The following TMEM63A variants were observed in gnomAD, a reference collection of about 807,000 sequenced individuals.
TMEM63A encodes transmembrane protein 63A, also known as mechanosensitive cation channel TMEM63A.
TMEM63A carries 76 observed loss-of-function variants against 100.6 expected under a neutral mutation model. The observed-to-expected ratio is 0.76, with a 90% CI of 0.63 to 0.91. The LOEUF (loss-of-function observed/expected upper bound fraction) is 0.91, where lower values mean the gene tolerates loss of function less well. Ranked by LOEUF, TMEM63A falls within the 40% of genes least tolerant of loss-of-function variation. The pLI is 0.00. For missense variants in TMEM63A, 876 were observed against 1,008.8 expected (o/e 0.87, Z 1.78); for synonymous variants, 401 against 401.1 (o/e 1.00, Z 0.00).
Position 225,867,840 on chromosome 1 carries a change from G to C in TMEM63A, c.514+48C>G, listed in dbSNP as rs1246363367. 2 of 1,610,668 alleles carry C rather than the reference G, an allele frequency of 1.2e-6. No homozygotes were observed. Among genetic ancestry groups the C allele is most frequent in the Non-Finnish European group, 1.7e-6 (2 of 1,178,028 alleles). On this transcript the variant is annotated intron_variant, in intron 7 of 24. Coordinates refer to ENST00000366835, the MANE Select transcript of TMEM63A (RefSeq NM_014698.3). The surrounding 1 kb of genome is among the most constrained non-coding windows in gnomAD (Gnocchi z 4.6). ...CACAGTGAGCCCTTTCCCTAGGACT[G>C]CCACTCTGCCCCATTACAACATAGA...
At chr1:225,872,852 C>T (rs1003677799) in intron 4 of TMEM63A, among the ~76,000 whole-genome samples, 2 of 151,906 alleles carry the variant, frequency 1.3e-5, no homozygotes, top group Non-Finnish European at 2.9e-5. Flanking sequence ...CGCCACCATG[C>T]CTGGCTAATT....
Position 225,878,887 on chromosome 1 carries a change from CACACACACACA to C in TMEM63A, c.-15+322_-15+332del, listed in dbSNP as rs1241365209. ...ACCTACCTACCTACCTACCTACCTA[CACACACACACA>C]CACACACACACACACACACACACAC... On this transcript the variant is annotated intron_variant, in intron 2 of 24. Transcript: ENST00000366835. Among the ~76,000 whole-genome samples the C allele has an allele frequency of 4.6e-4, 14 of 30,208 alleles. No homozygotes were observed. The South Asian group carries it at 9.1e-3, about 20-fold the overall frequency. The allele number at this position is 30,208 out of a possible 152,430, so 19.8% of individuals were successfully genotyped here.
chr1:225,852,825 T>C (rs2292557), intron 19 of TMEM63A, 56 bp from the exon 20 acceptor site: 26,395 of 1,508,026 alleles, frequency 0.018, 557 homozygotes, highest in East Asian at 0.13. Flanking sequence ...AAACACCCTT[T>C]TGTGCTCTCT....
rs1670166807 is a variant in TMEM63A, at chr1:225,865,663, C to T, written c.746+234G>A. 1 of 539,712 alleles carries T rather than the reference C, an allele frequency of 1.9e-6. No individual in the cohort carries two copies. Among genetic ancestry groups the T allele is most frequent in the Admixed American group, 3.1e-5 (1 of 32,344 alleles). The allele number at this position is 539,712 out of a possible 1,614,324, so 33.4% of individuals were successfully genotyped here. A position where few individuals can be genotyped will look rare whatever the true frequency, so the allele number is the denominator to read the frequency against. On this transcript the variant is annotated intron_variant, in intron 10 of 24. Transcript: ENST00000366835. This position sits in a 1 kb window ranked among gnomAD's most constrained non-coding sequence, Gnocchi z 4.6. ...TGGTCTGTGCTCTGGACACTGTGCA[C>T]AGGCTGCTTGAAGAGGATAGGCCAC...
chr1:225,841,767 A>G (rs1668447787), downstream of TMEM63A, among the ~76,000 whole-genome samples: 2 of 150,196 alleles, frequency 1.3e-5, no homozygotes, highest in African/African-American at 2.5e-5. Context: ...ATGCCCTGCT[A>G]ATTTTTTTGT....
intron 17 of TMEM63A, among the ~76,000 whole-genome samples, chr1:225,856,445 T>C (rs548434726): frequency 6.8e-6 from 1 of 147,760 alleles, no homozygotes; most frequent in African/African-American, 2.5e-5. Context: ...ACCAATATGG[T>C]GTTTTTTTCT....
chr1:225,867,261 A>G lies in TMEM63A; in HGVS notation c.515-98T>C. The G allele has an allele frequency of 1.2e-5, 15 of 1,233,610 alleles. No individual in the cohort carries two copies. Among genetic ancestry groups the G allele is most frequent in the Non-Finnish European group, 1.8e-5 (15 of 835,268 alleles). 76.4% of individuals were successfully genotyped at this position (1,233,610 alleles called of 1,614,324 possible). On this transcript the variant is annotated intron_variant, in intron 7 of 24. Coordinates refer to ENST00000366835, the MANE Select transcript of TMEM63A (RefSeq NM_014698.3). This position sits in a 1 kb window ranked among gnomAD's most constrained non-coding sequence, Gnocchi z 4.6. ...GGTTTGTGGAGCTCTGGGGAGGAGGAGCATGTCTGGACCAGCAGGAAGACA... is the reference window on the plus strand; with the variant it reads ...GGTTTGTGGAGCTCTGGGGAGGAGGGGCATGTCTGGACCAGCAGGAAGACA...
rs1160439099 is a variant in TMEM63A at position 225,849,957 on chromosome 1, T to C, written c.2026A>G (p.Ile676Val). 1.9e-6 allele frequency: 3 copies of C among 1,613,950 alleles called. No homozygotes were observed. The highest frequency in any genetic ancestry group is 2.2e-5 in the South Asian group (2 of 91,080). The part of the protein sequence containing the change: ...AAVNQALAAP[I>V]LCLFWLYFFS... Reference sequence around the variant, plus strand: ...AAGTAGAGCCAGAAGAGGCACAGGATGGGGGCTGCCAAGGCCTGGTTCACA... The same window carrying C: ...AAGTAGAGCCAGAAGAGGCACAGGACGGGGGCTGCCAAGGCCTGGTTCACA... Residue 676 changes from isoleucine to valine, a missense_variant, in exon 21 of 25, where the codon ATC (isoleucine) becomes GTC (valine). Ile to Val is a conservative substitution (Grantham distance 29). Coordinates refer to ENST00000366835, the MANE Select transcript of TMEM63A (RefSeq NM_014698.3).
At chr1:225,859,642 T>A in intron 14 of TMEM63A, 2 of 356,024 alleles carry the variant, frequency 5.6e-6, no homozygotes, top group Non-Finnish European at 5.1e-6. Context: ...TTATTTTTTC[T>A]TTTTCTGTTT....
chr1:225,861,167 T>C, intron 13 of TMEM63A, 170 bp from the exon 14 acceptor site: 1 of 637,820 alleles, frequency 1.6e-6, no homozygotes, highest in South Asian at 3.6e-5. Context: ...TAGCACAGTG[T>C]GTGGAGAATT....
chr1:225,868,298 T>G (rs1361892616), intron 6 of TMEM63A, among the ~76,000 whole-genome samples: 1 of 152,110 alleles, frequency 6.6e-6, no homozygotes, highest in Admixed American at 6.5e-5. Flanking sequence ...GCTAGAAACA[T>G]TTGTGCCCAA....
chr1:225,866,237 C>T (rs780158871), intron 9 of TMEM63A: 9 of 525,382 alleles, frequency 1.7e-5, no homozygotes, highest in Non-Finnish European at 2.4e-5. Context: ...GACTCAAATG[C>T]GGTCACACAG....
At chr1:225,861,029 G>A (rs1360899867) in intron 13 of TMEM63A, 32 bp from the exon 14 acceptor site, 12 of 1,572,378 alleles carry the variant, frequency 7.6e-6, no homozygotes, top group Non-Finnish European at 1.0e-5. Flanking sequence ...GCCAGGCCCA[G>A]GCTACTCAGG....
rs748223461 is a variant in TMEM63A, at chr1:225,874,359, G to T, written c.195C>A (p.Ile65=). The change falls in exon 4 of 25, where the codon ATC becomes ATA. Residue 65 remains isoleucine, a synonymous_variant. Coordinates refer to ENST00000366835, the MANE Select transcript of TMEM63A (RefSeq NM_014698.3). ...LIDVSCFLFL[I]LVFSIIRRRF... is the part of the protein sequence containing the mutation. ...TTCTTCTTATAATAGAAAACACCAA[G>T]ATTAAGAACTAAAAACAGAAAAGAA... The T allele has an allele frequency of 6.2e-7, 1 of 1,613,118 alleles. No homozygotes were observed. The highest frequency in any genetic ancestry group is 1.1e-5 in the South Asian group (1 of 90,890).
chr1:225,877,862 G>A (rs1670892059), intron 2 of TMEM63A, among the ~76,000 whole-genome samples: 1 of 152,174 alleles, frequency 6.6e-6, no homozygotes. Context: ...ATCCCCAGAG[G>A]GGGCGACATG....
Position 225,859,091 on chromosome 1 carries a change from T to A in TMEM63A, c.1377+105A>T, listed in dbSNP as rs1031023506. 4.6e-6 allele frequency: 7 copies of A among 1,516,228 alleles called. No homozygotes were observed. In the African/African-American group the frequency reaches 8.2e-5, roughly 18 times the overall value. The allele number at this position is 1,516,228 out of a possible 1,614,324, so 93.9% of individuals were successfully genotyped here. On this transcript the variant is annotated intron_variant, in intron 15 of 24. Transcript: ENST00000366835. ...GAGCTGAGCAACATGACCCACTGGTTTAGTTCCCCGCACACACCCCACTCC... is the reference window on the plus strand; with the variant it reads ...GAGCTGAGCAACATGACCCACTGGTATAGTTCCCCGCACACACCCCACTCC...
chr1:225,868,542 C>T (rs1476144850), intron 6 of TMEM63A, among the ~76,000 whole-genome samples: 2 of 151,038 alleles, frequency 1.3e-5, no homozygotes, highest in Non-Finnish European at 3.0e-5. Context: ...AAAAATTAGC[C>T]AAGTGTGGTG....
At chr1:225,872,823 A>G (rs781003243) in intron 4 of TMEM63A, among the ~76,000 whole-genome samples, 1 of 150,842 alleles carries the variant, frequency 6.6e-6, no homozygotes, top group Non-Finnish European at 1.5e-5. Context: ...TCTCCCGAGT[A>G]GCTGGGCTTA....
At chr1:225,845,475 A>AC (rs1157569120), downstream of TMEM63A, 7 of 901,416 alleles carry the variant, frequency 7.8e-6, no homozygotes, top group Admixed American at 2.2e-5. Flanking sequence ...GCCCACGCTC[A>AC]CCCCCTCACC....
Sources: gnomAD v4.1 joint callset for allele counts (sites outside exome capture counted in the v4.1 genomes callset) on GRCh38, gnomAD v4.1.1 for gene constraint, Gnocchi (gnomAD v3.1) non-coding constraint, MANE v1.5 for transcripts, NCBI Gene and HGNC (gene_info 2026-07-23, HGNC 2026-07-21) for gene names.